The following NEMP1 variants were observed in gnomAD, a reference collection of about 807,000 sequenced individuals.
NEMP1 encodes transmembrane protein 194.
In NEMP1, 29 loss-of-function variants were observed where a neutral mutation model predicts 53.7. That is an observed-to-expected ratio of 0.54 (90% CI 0.40 to 0.74). NEMP1 has a LOEUF of 0.74. Among genes scored for constraint, NEMP1 ranks in the 30% least tolerant of loss-of-function variants. The pLI is 0.00. For missense variants in NEMP1, 477 were observed against 528.6 expected (o/e 0.90, Z 0.96); for synonymous variants, 193 against 192.9 (o/e 1.00, Z 0.00).
At chr12:57,066,516 C>G (rs749908870) in intron 4 of NEMP1, among the ~76,000 whole-genome samples, 1 of 152,186 alleles carries the variant, frequency 6.6e-6, no homozygotes, top group Non-Finnish European at 1.5e-5. Context: ...AGATGTATGA[C>G]TCTTCCTTTC....
At position 57,065,748 on chromosome 12, in the gene NEMP1, G is replaced by A. The variant is rs547173953; in HGVS notation, c.546-1009C>T. On this transcript the variant is annotated intron_variant, in intron 4 of 8. Transcript: ENST00000300128. ...CTCCCTGGGCTCAAGTGATCTGCCC[G>A]CCTCAGCCTCCCAAAGTGCTGGGAC... Among the ~76,000 whole-genome samples the A allele has an allele frequency of 2.3e-4, 35 of 151,710 alleles. No homozygotes were observed. In the East Asian group the frequency reaches 3.9e-3, roughly 17 times the overall value.
intron 6 of NEMP1, among the ~76,000 whole-genome samples, chr12:57,063,741 T>A (rs1272469694): frequency 6.6e-6 from 1 of 152,036 alleles, no homozygotes; most frequent in Non-Finnish European, 1.5e-5. Context: ...AACTGCGGAG[T>A]CTTTTACTTA....
chr12:57,068,353 ATT>A (rs562019335), intron 4 of NEMP1, among the ~76,000 whole-genome samples: 18 of 140,680 alleles, frequency 1.3e-4, no homozygotes, highest in Admixed American at 1.4e-4. Flanking sequence ...TAAACACTTG[ATT>A]TTTTTTTTTT....
chr12:57,087,772 AG>A (rs2033057747), intron 1 of NEMP1, among the ~76,000 whole-genome samples: 1 of 151,304 alleles, frequency 6.6e-6, no homozygotes, highest in African/African-American at 2.4e-5. Context: ...GCGGACAGAG[AG>A]GCGGGGCGGG....
intron 4 of NEMP1, among the ~76,000 whole-genome samples, chr12:57,067,368 A>T (rs1354181801): frequency 1.3e-5 from 2 of 152,154 alleles, no homozygotes; most frequent in Non-Finnish European, 2.9e-5. Context: ...TCTTACATGG[A>T]CATGTGGTGC....
rs978442451 is a variant in NEMP1, at chr12:57,064,878, T to C, written c.546-139A>G. 5.1e-6 allele frequency: 3 copies of C among 588,470 alleles called. No individual in the cohort carries two copies. The African/African-American group carries it at 5.7e-5, about 11-fold the overall frequency. 36.5% of individuals were successfully genotyped at this position (588,470 alleles called of 1,614,324 possible). A position where few individuals can be genotyped will look rare whatever the true frequency, so the allele number is the denominator to read the frequency against. ...GTACAAGCATCAGAGACATTTCAAA[T>C]TTGGTTCCAGACCACTGCAATAAAC... On this transcript the variant is annotated intron_variant, in intron 4 of 8. Transcript: ENST00000300128.
rs571502827 is a variant in NEMP1, at chr12:57,060,561, T to C, written c.1154+211A>G. 2.0e-5 allele frequency among the ~76,000 whole-genome samples: 3 copies of C among 152,328 alleles called. No homozygotes were observed. In the East Asian group the frequency reaches 5.8e-4, roughly 29 times the overall value. On this transcript the variant is annotated intron_variant, in intron 8 of 8. Transcript: ENST00000300128. ...ATATGGTACTGGAGTCTTCCCATCT[T>C]AATGCTACAATCAAAGCTAGAGTAG...
chr12:57,073,060 G>A (rs7962771), intron 1 of NEMP1, 148 bp from the exon 2 acceptor site: 50,866 of 577,632 alleles, frequency 0.088, 2,525 homozygotes, highest in East Asian at 0.14. Flanking sequence ...CTGAGAAGAA[G>A]GAAGAACTAA....
At chr12:57,078,553 C>G (rs955834540) in intron 1 of NEMP1, 66 bp downstream of exon 1, 10 of 1,550,714 alleles carry the variant, frequency 6.4e-6, no homozygotes, top group Non-Finnish European at 8.7e-6. Flanking sequence ...GCCCTCGGGA[C>G]AATCCCTTTT....
rs1307394640 is a variant in NEMP1, at chr12:57,064,322, G to C, written c.640-137C>G. 1.4e-5 allele frequency: 8 copies of C among 591,754 alleles called. No homozygotes were observed. In the East Asian group the frequency reaches 2.4e-4, roughly 18 times the overall value. 36.7% of individuals were successfully genotyped at this position (591,754 alleles called of 1,614,324 possible). A position where few individuals can be genotyped will look rare whatever the true frequency, so the allele number is the denominator to read the frequency against. ...GCACAAAAAACACTTCTCTTAAAAA[G>C]ATGTCCTTTATACTTAAAATGGTAC... is the stretch of plus-strand genomic sequence containing the variant. On this transcript the variant is annotated intron_variant, in intron 5 of 8. Coordinates refer to ENST00000300128, the MANE Select transcript of NEMP1 (RefSeq NM_001130963.2).
chr12:57,088,195 G>A (rs996533753), upstream of NEMP1: 12 of 152,254 alleles, frequency 7.9e-5, no homozygotes, highest in African/African-American at 2.7e-4. Context: ...CAGAGGACAA[G>A]TGGAGGAATC....
intron 1 of NEMP1, among the ~76,000 whole-genome samples, chr12:57,075,621 T>A (rs1354775795): frequency 2.0e-5 from 3 of 150,186 alleles, no homozygotes; most frequent in Non-Finnish European, 4.4e-5. Flanking sequence ...CTCAGGAGTT[T>A]GAGACCAGCC....
At position 57,074,292 on chromosome 12, in the gene NEMP1, A is replaced by AT. The variant is rs71084728; in HGVS notation, c.128-1381dup. On this transcript the variant is annotated intron_variant, in intron 1 of 8. Coordinates refer to ENST00000300128, the MANE Select transcript of NEMP1 (RefSeq NM_001130963.2). ...AGATCTGCCACCATGCCCAGCCAGCATTTTTTTTTTTTTTTTTCAGACAGG... is the reference window on the plus strand; with the variant it reads ...AGATCTGCCACCATGCCCAGCCAGCATTTTTTTTTTTTTTTTTTCAGACAGG... 2.1e-3 allele frequency among the ~76,000 whole-genome samples: 271 copies of AT among 128,792 alleles called. 1 individual carries two copies. The highest frequency in any genetic ancestry group is 8.2e-3 in the East Asian group (37 of 4,490). The allele number at this position is 128,792 out of a possible 152,430, so 84.5% of individuals were successfully genotyped here. A position where few individuals can be genotyped will look rare whatever the true frequency, so the allele number is the denominator to read the frequency against.
At chr12:57,087,133 G>A (rs955153555) in intron 1 of NEMP1, among the ~76,000 whole-genome samples, 1 of 152,220 alleles carries the variant, frequency 6.6e-6, no homozygotes, top group Non-Finnish European at 1.5e-5. Context: ...ACCCGGGAGC[G>A]GAGAGCTCAA....
intron 8 of NEMP1, 132 bp downstream of exon 8, chr12:57,060,640 T>G (rs989011479): frequency 2.2e-6 from 2 of 893,592 alleles, no homozygotes; most frequent in South Asian, 1.7e-5. Context: ...ATATCCACCC[T>G]TCTCTTGACT....
chr12:57,087,538 G>A (rs1261879004), intron 1 of NEMP1, among the ~76,000 whole-genome samples: 1 of 151,764 alleles, frequency 6.6e-6, no homozygotes, highest in Non-Finnish European at 1.5e-5. Flanking sequence ...CGGGGCGGGG[G>A]ACTGGGAGAC....
upstream of NEMP1, among the ~76,000 whole-genome samples, chr12:57,083,445 T>C (rs1414529833): frequency 3.9e-5 from 6 of 152,236 alleles, no homozygotes; most frequent in South Asian, 2.1e-4. Context: ...ATTGGATTTA[T>C]GCAAATAGCC....
intron 3 of NEMP1, 123 bp downstream of exon 3, chr12:57,070,551 G>T: frequency 1.3e-6 from 1 of 750,008 alleles, no homozygotes; most frequent in Non-Finnish European, 2.2e-6. Context: ...GGTATACTCA[G>T]GGTTATAATC....
chr12:57,073,601 G>A (rs940421023), intron 1 of NEMP1, among the ~76,000 whole-genome samples: 6 of 152,040 alleles, frequency 3.9e-5, no homozygotes, highest in Admixed American at 2.0e-4. Context: ...CCGAGATCAC[G>A]CCATTGCACC....
Sources: gnomAD v4.1 joint callset for allele counts (sites outside exome capture counted in the v4.1 genomes callset) on GRCh38, gnomAD v4.1.1 for gene constraint, MANE v1.5 for transcripts, NCBI Gene and HGNC (gene_info 2026-07-23, HGNC 2026-07-21) for gene names.